The following FKBP5 variants were observed in gnomAD, a reference collection of about 807,000 sequenced individuals.
FKBP5 encodes the protein FKBP prolyl isomerase 5.
Under a neutral mutation model 50.5 loss-of-function variants are expected in FKBP5, and 23 were observed. That is an observed-to-expected ratio of 0.46 (90% CI 0.33 to 0.65). The LOEUF is 0.65. Ranked by LOEUF, FKBP5 falls within the 30% of genes least tolerant of loss-of-function variation. The pLI is 0.02. For missense variants in FKBP5, 411 were observed against 553.1 expected, an observed-to-expected ratio of 0.74 and a Z score of 2.58; for synonymous variants, 176 against 190.6, an observed-to-expected ratio of 0.92 and a Z score of 0.63.
chr6:35,672,467 T>C (rs1025153745), intron 1 of FKBP5, among the ~76,000 whole-genome samples: 2 of 151,498 alleles, frequency 1.3e-5, no homozygotes, highest in Non-Finnish European at 2.9e-5. Context: ...GTCCAGAAGC[T>C]TGCTTTTTTT....
intron 5 of FKBP5, among the ~76,000 whole-genome samples, chr6:35,615,766 T>C (rs544252400): frequency 6.6e-6 from 1 of 152,302 alleles, no homozygotes; most frequent in African/African-American, 2.4e-5. Flanking sequence ...AACAAGATAG[T>C]ACTTCACTCC....
intron 1 of FKBP5, among the ~76,000 whole-genome samples, chr6:35,724,431 A>G (rs777642788): frequency 1.3e-5 from 2 of 152,148 alleles, no homozygotes; most frequent in Non-Finnish European, 2.9e-5. Context: ...ACAATTTTCT[A>G]GCTGTCAGAT....
chr6:35,717,633 G>A (rs1008397920), intron 2 of FKBP5, among the ~76,000 whole-genome samples: 1 of 152,230 alleles, frequency 6.6e-6, no homozygotes, highest in African/African-American at 2.4e-5. Flanking sequence ...CGGTGTTGTG[G>A]GCAGGCAGGT....
At chr6:35,675,143 G>A (rs1405666602) in intron 1 of FKBP5, among the ~76,000 whole-genome samples, 2 of 152,154 alleles carry the variant, frequency 1.3e-5, no homozygotes, top group Non-Finnish European at 1.5e-5. Context: ...TGCTCATTTT[G>A]TCCCTCTCGC....
intron 6 of FKBP5, among the ~76,000 whole-genome samples, chr6:35,595,014 C>T (rs895338757): frequency 1.3e-5 from 2 of 152,172 alleles, no homozygotes; most frequent in East Asian, 3.9e-4. Context: ...AAAGCTCACA[C>T]ACTGCGGGCT....
At chr6:35,644,303 C>G (rs1319127784) in intron 1 of FKBP5, among the ~76,000 whole-genome samples, 2 of 152,248 alleles carry the variant, frequency 1.3e-5, no homozygotes, top group Non-Finnish European at 2.9e-5. Context: ...AGCTATTACA[C>G]ATTAGGCTAA....
intron 6 of FKBP5, among the ~76,000 whole-genome samples, chr6:35,591,775 T>G (rs1762828678): frequency 6.6e-6 from 1 of 152,224 alleles, no homozygotes; most frequent in South Asian, 2.1e-4. Flanking sequence ...TCACACTATT[T>G]AAGTTTTTTT....
At chr6:35,708,168 G>T (rs1372087020) in intron 2 of FKBP5, among the ~76,000 whole-genome samples, 2 of 152,342 alleles carry the variant, frequency 1.3e-5, no homozygotes, top group East Asian at 3.9e-4. Context: ...TAGGTATAAA[G>T]ATCTAGTTCC....
chr6:35,607,167 A>G (rs1159588142), intron 5 of FKBP5, among the ~76,000 whole-genome samples: 3 of 151,984 alleles, frequency 2.0e-5, no homozygotes, highest in Non-Finnish European at 4.4e-5. Flanking sequence ...TGAACTCCTG[A>G]CCTCAAATGA....
chr6:35,656,145 C>T (rs763884484), intron 1 of FKBP5, among the ~76,000 whole-genome samples: 10 of 152,240 alleles, frequency 6.6e-5, no homozygotes, highest in Middle Eastern at 3.4e-3. Flanking sequence ...CATTATATGC[C>T]TAAGAGAAAA....
intron 1 of FKBP5, among the ~76,000 whole-genome samples, chr6:35,677,712 G>T (rs552881549): frequency 6.6e-6 from 1 of 151,954 alleles, no homozygotes; most frequent in Non-Finnish European, 1.5e-5. Flanking sequence ...ATATCACCTT[G>T]GTTTAAATAT....
At chr6:35,619,269 G>GT (rs1262717662) in intron 4 of FKBP5, 59 bp from the exon 5 acceptor site, 6 of 1,111,958 alleles carry the variant, frequency 5.4e-6, no homozygotes, top group Non-Finnish European at 8.1e-6. Context: ...CTGAACATAT[G>GT]TGAAGGCAAG....
rs144270670 is a variant in FKBP5 at position 35,664,950 on chromosome 6, A to G, written c.-19-22107T>C. Among the ~76,000 whole-genome samples the G allele has an allele frequency of 1.3e-3, 196 of 152,254 alleles. 2 individuals carry two copies. The East Asian group carries it at 0.029, about 23-fold the overall frequency. ...TATCTGGCCATTCTCCTAGGTTTGC[A>G]ACTTCAATATAATTTTTCTCCACTT... is the stretch of plus-strand genomic sequence containing the variant. On this transcript the variant is annotated intron_variant, in intron 1 of 10. Coordinates refer to ENST00000357266, the MANE Select transcript of FKBP5 (RefSeq NM_004117.4).
chr6:35,603,104 G>A (rs1230215714), intron 5 of FKBP5, among the ~76,000 whole-genome samples: 1 of 152,200 alleles, frequency 6.6e-6, no homozygotes, highest in African/African-American at 2.4e-5. Flanking sequence ...TTGTTGAGAG[G>A]ATTAAATTAG....
At chr6:35,721,656 G>A (rs943775820) in intron 1 of FKBP5, among the ~76,000 whole-genome samples, 1 of 152,174 alleles carries the variant, frequency 6.6e-6, no homozygotes, top group African/African-American at 2.4e-5. Flanking sequence ...ATTTCTCCAT[G>A]TTGGTCAGGC....
chr6:35,633,805 C>G (rs1179712912), intron 3 of FKBP5, among the ~76,000 whole-genome samples: 1 of 152,024 alleles, frequency 6.6e-6, no homozygotes, highest in Non-Finnish European at 1.5e-5. Flanking sequence ...CCACAGACTT[C>G]TTTTTACAGA....
At chr6:35,583,667 C>G (rs1014330321) in intron 8 of FKBP5, 2 of 896,622 alleles carry the variant, frequency 2.2e-6, no homozygotes, top group African/African-American at 3.6e-5. Context: ...TGGGCAGAGG[C>G]CAGGAATGCT....
chr6:35,701,852 A>AT (rs908309048), intron 2 of FKBP5, among the ~76,000 whole-genome samples: 42 of 136,596 alleles, frequency 3.1e-4, no homozygotes, highest in Non-Finnish European at 4.9e-4. Context: ...GGAATGCCGT[A>AT]TTTTTTTTTT....
At chr6:35,613,843 T>A (rs1157684908) in intron 5 of FKBP5, among the ~76,000 whole-genome samples, 1 of 152,216 alleles carries the variant, frequency 6.6e-6, no homozygotes, top group Non-Finnish European at 1.5e-5. Flanking sequence ...GGAAAGTACA[T>A]TCTAACAAGA....
Sources: gnomAD v4.1 joint callset for allele counts (sites outside exome capture counted in the v4.1 genomes callset) on GRCh38, gnomAD v4.1.1 for gene constraint, MANE v1.5 for transcripts, NCBI Gene and HGNC (gene_info 2026-07-23, HGNC 2026-07-21) for gene names.